Variants in CALN1 observed in about 807,000 individuals in gnomAD.
CALN1 encodes calcium-binding protein 8.
In CALN1, 17 loss-of-function variants were observed where a neutral mutation model predicts 30.6. The observed-to-expected ratio is 0.56, with a 90% CI of 0.38 to 0.83. The LOEUF (loss-of-function observed/expected upper bound fraction) is 0.83, where lower values mean the gene tolerates loss of function less well. Ranked by LOEUF, CALN1 falls within the 40% of genes least tolerant of loss-of-function variation. The pLI is 0.00. For synonymous variants in CALN1, 156 were observed against 131.4 expected (o/e 1.19, Z -1.28); for missense variants, 291 against 354.9 (o/e 0.82, Z 1.45).
intron 3 of CALN1, among the ~76,000 whole-genome samples, chr7:72,164,849 A>AT (rs953269466): frequency 4.6e-5 from 7 of 152,002 alleles, no homozygotes; most frequent in African/African-American, 9.6e-5. Context: ...TTTGGGTGGT[A>AT]TTTTTTAGGG....
intron 5 of CALN1, among the ~76,000 whole-genome samples, chr7:71,813,159 C>T (rs62459044): frequency 1.7e-3 from 253 of 146,766 alleles, no homozygotes; most frequent in Middle Eastern, 3.5e-3. Context: ...ATGTTGCCTG[C>T]CTCAGACTCC....
chr7:71,931,334 C>T (rs769263821), intron 5 of CALN1, among the ~76,000 whole-genome samples: 17 of 151,908 alleles, frequency 1.1e-4, no homozygotes, highest in Admixed American at 6.6e-5. Flanking sequence ...GGAGTGATCT[C>T]GGCTCACTGC....
At chr7:72,332,715 A>C (rs190038301) in intron 2 of CALN1, among the ~76,000 whole-genome samples, 1 of 152,144 alleles carries the variant, frequency 6.6e-6, no homozygotes, top group Admixed American at 6.5e-5. Flanking sequence ...AGTATTCTTA[A>C]TGCGATCTTT....
chr7:71,986,064 T>G (rs1052225204), intron 5 of CALN1, among the ~76,000 whole-genome samples: 1 of 151,984 alleles, frequency 6.6e-6, no homozygotes, highest in African/African-American at 2.4e-5. Context: ...CTCTTTTTTT[T>G]TTGAGACAGA....
intron 2 of CALN1, among the ~76,000 whole-genome samples, chr7:72,305,704 G>C (rs1799599742): frequency 6.6e-6 from 1 of 152,200 alleles, no homozygotes; most frequent in Non-Finnish European, 1.5e-5. Flanking sequence ...TAGTAGCTTA[G>C]TTTGCTCAGG....
chr7:72,408,505 A>C (rs914667722), intron 1 of CALN1, among the ~76,000 whole-genome samples: 1 of 151,920 alleles, frequency 6.6e-6, no homozygotes, highest in Non-Finnish European at 1.5e-5. Context: ...AAGGTCAGAG[A>C]GCGTAACTGG....
intron 5 of CALN1, among the ~76,000 whole-genome samples, chr7:71,854,556 G>A (rs1011290879): frequency 6.6e-6 from 1 of 152,170 alleles, no homozygotes; most frequent in Non-Finnish European, 1.5e-5. Flanking sequence ...TTGTTGTAAG[G>A]ACCTGGTTCT....
intron 5 of CALN1, among the ~76,000 whole-genome samples, chr7:71,932,770 C>T (rs923885390): frequency 6.9e-5 from 10 of 145,634 alleles, no homozygotes; most frequent in African/African-American, 1.8e-4. Context: ...GAGCCGAGAT[C>T]GCATCACTGC....
intron 3 of CALN1, among the ~76,000 whole-genome samples, chr7:72,106,810 A>G (rs866456658): frequency 5.3e-4 from 25 of 47,162 alleles, no homozygotes; most frequent in African/African-American, 1.5e-3. Flanking sequence ...GGGAGGGAGG[A>G]AGGAAGGGAG....
At chr7:72,385,445 G>T (rs998121590) in intron 2 of CALN1, among the ~76,000 whole-genome samples, 1 of 152,078 alleles carries the variant, frequency 6.6e-6, no homozygotes, top group Admixed American at 6.6e-5. Flanking sequence ...GTACATCTAT[G>T]AAATGGAATA....
intron 3 of CALN1, among the ~76,000 whole-genome samples, chr7:72,257,452 T>A (rs200572032): frequency 4.6e-5 from 7 of 151,084 alleles, no homozygotes; most frequent in African/African-American, 1.7e-4. Context: ...ATTTTAAAAA[T>A]AAAAAAAAAT....
chr7:71,955,444 C>A (rs1021464890), intron 5 of CALN1, among the ~76,000 whole-genome samples: 3 of 152,046 alleles, frequency 2.0e-5, no homozygotes, highest in African/African-American at 7.2e-5. Flanking sequence ...TTATTTAAAT[C>A]TCAAAATGCT....
intron 3 of CALN1, among the ~76,000 whole-genome samples, chr7:72,206,218 ATTG>A (rs1291600464): frequency 6.6e-6 from 1 of 152,158 alleles, no homozygotes; most frequent in Non-Finnish European, 1.5e-5. Flanking sequence ...GAATTTTGTT[ATTG>A]TTATATTTGA....
At chr7:72,118,597 A>G (rs1808159531) in intron 3 of CALN1, among the ~76,000 whole-genome samples, 1 of 152,220 alleles carries the variant, frequency 6.6e-6, no homozygotes, top group Non-Finnish European at 1.5e-5. Flanking sequence ...TGAAAGAACA[A>G]AGCAAATTAG....
chr7:72,376,132 CCATT>C (rs1804539074), intron 2 of CALN1, among the ~76,000 whole-genome samples: 1 of 152,000 alleles, frequency 6.6e-6, no homozygotes, highest in African/African-American at 2.4e-5. Flanking sequence ...TTCTGTTTAT[CCATT>C]CATCAGTTGA....
intron 2 of CALN1, among the ~76,000 whole-genome samples, chr7:72,321,963 G>C (rs1458272634): frequency 6.6e-6 from 1 of 152,210 alleles, no homozygotes; most frequent in Non-Finnish European, 1.5e-5. Flanking sequence ...TTGGCACCAA[G>C]GACCAGTTTC....
At chr7:72,231,298 A>C (rs1350882694) in intron 3 of CALN1, among the ~76,000 whole-genome samples, 1 of 152,142 alleles carries the variant, frequency 6.6e-6, no homozygotes, top group African/African-American at 2.4e-5. Flanking sequence ...GCCCCTGTCC[A>C]ACAGGCCCCA....
intron 1 of CALN1, among the ~76,000 whole-genome samples, chr7:72,431,715 G>T (rs971021819): frequency 1.3e-5 from 2 of 152,084 alleles, no homozygotes; most frequent in Non-Finnish European, 2.9e-5. Context: ...GGTCATGCGT[G>T]CCTGTAGTCC....
intron 3 of CALN1, among the ~76,000 whole-genome samples, chr7:72,136,723 T>C (rs1245045294): frequency 6.6e-6 from 1 of 152,216 alleles, no homozygotes; most frequent in African/African-American, 2.4e-5. Flanking sequence ...ACTCTTCCTT[T>C]CACTTGAACA....
Sources: allele counts gnomAD v4.1 joint callset (sites outside exome capture counted in the v4.1 genomes callset), GRCh38; gene constraint gnomAD v4.1.1; transcripts MANE v1.5; gene names NCBI Gene and HGNC (gene_info 2026-07-23, HGNC 2026-07-21).